SPMIP3: variants seen among roughly 807,000 people sequenced by gnomAD.
SPMIP3 encodes the protein protein SPMIP3.
the SPMIP3 span, among the ~76,000 whole-genome samples, chr1:244,362,827 C>T: frequency 6.7e-6 from 1 of 149,206 alleles, no homozygotes; most frequent in Non-Finnish European, 1.5e-5. Context: ...TCATTGTTTA[C>T]TCTTTTCCCT....
the SPMIP3 span, chr1:244,376,357 G>A: frequency 1.3e-5 from 2 of 152,186 alleles, no homozygotes; most frequent in African/African-American, 4.8e-5. Context: ...AGTGTGATGA[G>A]TTCACAGCGA....
the SPMIP3 span, among the ~76,000 whole-genome samples, chr1:244,353,501 A>G: frequency 0.73 from 110,700 of 151,702 alleles, 41,142 homozygotes; most frequent in East Asian, 0.95. Flanking sequence ...TTAAATAATA[A>G]AATGAATAAA....
the SPMIP3 span, among the ~76,000 whole-genome samples, chr1:244,381,896 G>A: frequency 0.07 from 10,587 of 152,126 alleles, 551 homozygotes; most frequent in Admixed American, 0.15. Context: ...ATGCCACTGC[G>A]CATGACAGTG....
chr1:244,372,660 G>C, the SPMIP3 span, among the ~76,000 whole-genome samples: 34 of 152,208 alleles, frequency 2.2e-4, no homozygotes, highest in South Asian at 2.5e-3. Flanking sequence ...AGCCAGGATG[G>C]TCTCGAACTC....
chr1:244,361,235 C>CTTTATTTTTT, the SPMIP3 span, among the ~76,000 whole-genome samples: 1 of 119,314 alleles, frequency 8.4e-6, no homozygotes, highest in African/African-American at 3.0e-5. Context: ...TTCTTTCTTT[C>CTTTATTTTTT]TTTTTTTTTT....
At chr1:244,380,680 G>A in the SPMIP3 span, among the ~76,000 whole-genome samples, 971 of 152,230 alleles carry the variant, frequency 6.4e-3, 18 homozygotes, top group Middle Eastern at 0.017. Flanking sequence ...ACACCTGAGC[G>A]TCACCTGTAC....
the SPMIP3 span, among the ~76,000 whole-genome samples, chr1:244,383,579 G>A: frequency 6.6e-6 from 1 of 152,190 alleles, no homozygotes; most frequent in African/African-American, 2.4e-5. Context: ...TGGGGTTATA[G>A]GAGCATATAG....
chr1:244,387,940 T>A, the SPMIP3 span, among the ~76,000 whole-genome samples: 2 of 151,860 alleles, frequency 1.3e-5, no homozygotes, highest in East Asian at 3.9e-4. Flanking sequence ...TTTTTTTTTA[T>A]TTTTGAGACG....
At chr1:244,373,332 T>TTTATATATATATATATATATATATATATA in the SPMIP3 span, among the ~76,000 whole-genome samples, 59 of 85,180 alleles carry the variant, frequency 6.9e-4, 1 homozygote, top group African/African-American at 2.4e-3. Flanking sequence ...CAAAAAAAAA[T>TTTATATATATATATATATATATATATATA]TATATATATA....
chr1:244,377,069 A>T, the SPMIP3 span, among the ~76,000 whole-genome samples: 1 of 151,886 alleles, frequency 6.6e-6, no homozygotes, highest in Non-Finnish European at 1.5e-5. Flanking sequence ...CGGCCTCCCA[A>T]AGTGATGGGA....
At chr1:244,374,076 G>C in the SPMIP3 span, among the ~76,000 whole-genome samples, 1 of 152,116 alleles carries the variant, frequency 6.6e-6, no homozygotes, top group Non-Finnish European at 1.5e-5. Context: ...TTGGGCCACT[G>C]CACTCCAGCC....
chr1:244,381,022 G>A, the SPMIP3 span, among the ~76,000 whole-genome samples: 2 of 152,044 alleles, frequency 1.3e-5, no homozygotes, highest in African/African-American at 4.8e-5. Context: ...TGGGGCTGAG[G>A]TCAAGGTCAC....
the SPMIP3 span, among the ~76,000 whole-genome samples, chr1:244,377,372 C>T: frequency 2.0e-5 from 3 of 152,200 alleles, no homozygotes; most frequent in Admixed American, 6.5e-5. Context: ...CCGCCTGCCT[C>T]GGCCTCCCAA....
At chr1:244,380,728 TTTCC>T in the SPMIP3 span, among the ~76,000 whole-genome samples, 5 of 152,160 alleles carry the variant, frequency 3.3e-5, no homozygotes, top group African/African-American at 1.2e-4. Context: ...AGAGTGTCTC[TTTCC>T]ATTTACTTAA....
the SPMIP3 span, among the ~76,000 whole-genome samples, chr1:244,372,903 A>G: frequency 1.3e-5 from 2 of 152,144 alleles, no homozygotes; most frequent in East Asian, 3.9e-4. Flanking sequence ...CCAATGCCTG[A>G]AGATGCAGCT....
chr1:244,388,812 TCCCACA>T, the SPMIP3 span: 1 of 604,654 alleles, frequency 1.7e-6, no homozygotes, highest in Non-Finnish European at 2.9e-6. Context: ...GAGTCCTTTT[TCCCACA>T]TTTTAAATGC....
chr1:244,354,362 T>G, the SPMIP3 span, among the ~76,000 whole-genome samples: 1 of 150,424 alleles, frequency 6.6e-6, no homozygotes, highest in Non-Finnish European at 1.5e-5. Context: ...TGATTTTTTT[T>G]TTTTTTTTTT....
At chr1:244,367,576 G>A in the SPMIP3 span, among the ~76,000 whole-genome samples, 6 of 152,160 alleles carry the variant, frequency 3.9e-5, no homozygotes, top group East Asian at 9.6e-4. Flanking sequence ...AGGAAGAGCC[G>A]GAGCCGTCAG....
the SPMIP3 span, among the ~76,000 whole-genome samples, chr1:244,374,208 C>T: frequency 2.0e-5 from 3 of 152,122 alleles, no homozygotes; most frequent in East Asian, 1.9e-4. Flanking sequence ...CCCTCAGCCC[C>T]GTTGTATTCC....
Sources: gnomAD v4.1 joint callset for allele counts (sites outside exome capture counted in the v4.1 genomes callset) on GRCh38, gnomAD v4.1.1 for gene constraint, MANE v1.5 for transcripts, NCBI Gene and HGNC (gene_info 2026-07-23, HGNC 2026-07-21) for gene names.